Variants in ZDHHC20 observed in about 807,000 individuals in gnomAD.
ZDHHC20 encodes the protein zDHHC palmitoyltransferase 20, also known as palmitoyltransferase ZDHHC20.
A neutral mutation model predicts 57.8 loss-of-function variants in ZDHHC20; 43 were observed. The observed-to-expected ratio is 0.74, with a 90% confidence interval of 0.58 to 0.96. ZDHHC20 has a LOEUF of 0.96. Ranked by LOEUF, ZDHHC20 falls within the 40% of genes least tolerant of loss-of-function variation. ZDHHC20 has a pLI of 0.00. For missense variants in ZDHHC20, 391 were observed against 441.1 expected (o/e 0.89, Z 1.02); for synonymous variants, 157 against 153.0 (o/e 1.03, Z -0.19).
intron 11 of ZDHHC20, among the ~76,000 whole-genome samples, chr13:21,379,214 G>A (rs1453780873): frequency 1.3e-5 from 2 of 152,100 alleles, no homozygotes; most frequent in African/African-American, 4.8e-5. Context: ...CGAACAGTAG[G>A]TCTTTAAGGG....
intron 9 of ZDHHC20, among the ~76,000 whole-genome samples, chr13:21,384,924 T>A (rs751255346): frequency 1.3e-5 from 2 of 151,430 alleles, no homozygotes; most frequent in Non-Finnish European, 1.5e-5. Context: ...CAAAAGTTAC[T>A]GGACATGAAA....
chr13:21,436,705 C>T (rs1406670491), intron 1 of ZDHHC20, among the ~76,000 whole-genome samples: 1 of 152,162 alleles, frequency 6.6e-6, no homozygotes, highest in Non-Finnish European at 1.5e-5. Context: ...GCAATCAAGC[C>T]AATTAATAAT....
chr13:21,431,118 G>T (rs1335203486), intron 1 of ZDHHC20, among the ~76,000 whole-genome samples: 2 of 152,066 alleles, frequency 1.3e-5, no homozygotes, highest in African/African-American at 4.8e-5. Context: ...TAATATTTTT[G>T]TATTAGTCCA....
At chr13:21,404,779 C>A (rs1309909558) in intron 4 of ZDHHC20, among the ~76,000 whole-genome samples, 2 of 150,512 alleles carry the variant, frequency 1.3e-5, no homozygotes, top group African/African-American at 2.4e-5. Context: ...GCAAGTCATG[C>A]AGAATAGAGT....
Position 21,374,837 on chromosome 13 carries a change from C to A in ZDHHC20, c.*1859G>T. ...ATTATTTAGCATACAGAAGGTACTC[C>A]AAAAAATTTACCGGGGCGGGGCGTG... On this transcript the variant is annotated 3_prime_UTR_variant, in exon 13 of 13. Transcript: ENST00000400590. 3.4e-6 allele frequency: 1 copy of A among 293,890 alleles called. No homozygotes were observed. The highest frequency in any genetic ancestry group is 6.6e-6 in the Non-Finnish European group (1 of 151,190). 18.2% of individuals were successfully genotyped at this position (293,890 alleles called of 1,614,324 possible).
intron 1 of ZDHHC20, among the ~76,000 whole-genome samples, chr13:21,455,480 AT>A (rs934123857): frequency 1.3e-5 from 2 of 152,208 alleles, no homozygotes; most frequent in African/African-American, 4.8e-5. Context: ...GGGAAAAAAA[AT>A]CATACGAGAA....
intron 8 of ZDHHC20, among the ~76,000 whole-genome samples, chr13:21,389,454 T>C (rs1389158389): frequency 6.6e-6 from 1 of 152,200 alleles, no homozygotes; most frequent in Non-Finnish European, 1.5e-5. Flanking sequence ...CTGCATATAG[T>C]AGAGATTAAA....
chr13:21,439,405 C>T (rs1882891546), intron 1 of ZDHHC20, among the ~76,000 whole-genome samples: 1 of 152,122 alleles, frequency 6.6e-6, no homozygotes, highest in African/African-American at 2.4e-5. Context: ...GAGGCTGAGG[C>T]AGGAGGATTG....
intron 1 of ZDHHC20, among the ~76,000 whole-genome samples, chr13:21,448,257 C>T (rs1304963291): frequency 5.7e-4 from 41 of 71,606 alleles, no homozygotes; most frequent in East Asian, 1.9e-3. Flanking sequence ...TCTGCCCGGC[C>T]GCCCCTACTG....
intron 1 of ZDHHC20, among the ~76,000 whole-genome samples, chr13:21,448,168 G>T (rs1883982988): frequency 8.0e-6 from 1 of 125,372 alleles, no homozygotes; most frequent in Non-Finnish European, 1.8e-5. Context: ...CTGCCCGGCA[G>T]CCACCCCGTC....
rs186969143 is a variant in ZDHHC20, at chr13:21,388,528, A to G, written c.728-894T>C. On this transcript the variant is annotated intron_variant, in intron 8 of 12. Coordinates refer to ENST00000400590, the MANE Select transcript of ZDHHC20 (RefSeq NM_001330059.2). ...ACAAGAAATGTTTGTATGAGGCTAT[A>G]AAGATGTGAAGATGAGAGTTTACTT... Among the ~76,000 whole-genome samples, 661 of 152,286 alleles carry G rather than the reference A, an allele frequency of 4.3e-3. 6 individuals carry two copies. The highest frequency in any genetic ancestry group is 0.015 in the African/African-American group (608 of 41,566).
intron 9 of ZDHHC20, among the ~76,000 whole-genome samples, chr13:21,385,872 T>C (rs142354548): frequency 1.5e-3 from 230 of 152,262 alleles, no homozygotes; most frequent in Middle Eastern, 3.4e-3. Flanking sequence ...GAAAGGATAG[T>C]AATTTACAAA....
Position 21,381,534 on chromosome 13 carries a change from T to G in ZDHHC20, c.960A>C (p.Gln320His), listed in dbSNP as rs141502095. 1.9e-6 allele frequency: 3 copies of G among 1,613,386 alleles called. No homozygotes were observed. Among genetic ancestry groups the G allele is most frequent in the Admixed American group, 1.7e-5 (1 of 59,968 alleles). ...CACTAAGTGGTTTGATAGGAAAAGG[T>G]TGATTTGAGCCACTACTGAAAAGAA... The part of the protein sequence containing the change: ...NEYARSSGSN[Q>H]PFPIKPLSES... Residue 320 changes from glutamine (Q) to histidine (H), a missense_variant, in exon 11 of 13, where the codon CAA (glutamine) becomes CAC (histidine). Gln to His is a conservative substitution (Grantham distance 24). Around this residue, in one of 3 missense-constraint regions of ZDHHC20, gnomAD observed 197 missense variants for 220.8 expected, o/e 0.89. Coordinates refer to ENST00000400590, the MANE Select transcript of ZDHHC20 (RefSeq NM_001330059.2).
intron 11 of ZDHHC20, among the ~76,000 whole-genome samples, chr13:21,380,137 A>G (rs1414865248): frequency 1.4e-5 from 2 of 141,208 alleles, no homozygotes; most frequent in East Asian, 2.2e-4. Flanking sequence ...CTTCCCCGAG[A>G]TGGAGTCTCA....
intron 1 of ZDHHC20, among the ~76,000 whole-genome samples, chr13:21,457,118 G>A (rs1321952169): frequency 6.6e-6 from 1 of 152,220 alleles, no homozygotes; most frequent in Non-Finnish European, 1.5e-5. Context: ...CTCAATTCAT[G>A]TTCATTTCTC....
chr13:21,402,864 T>C lies in ZDHHC20; in HGVS notation c.373A>G (p.Ile125Val), dbSNP rs924227742. The change falls in exon 5 of 13, where the codon ATC (isoleucine) becomes GTC (valine). Residue 125 changes from isoleucine (I) to valine (V), a missense_variant and splice_region_variant. Ile to Val is a conservative substitution (Grantham distance 29, BLOSUM62 3). Coordinates refer to ENST00000400590, the MANE Select transcript of ZDHHC20 (RefSeq NM_001330059.2). Reference sequence around the variant, plus strand: ...AGCTGACATTTTTCACAATATCTGATAGCTACATGAAAGAAGTAAAAGGAA... The same window carrying C: ...AGCTGACATTTTTCACAATATCTGACAGCTACATGAAAGAAGTAAAAGGAA... ...PIYTTSASKT[I>V]RYCEKCQLIK... 2.5e-6 allele frequency: 4 copies of C among 1,588,334 alleles called. No individual in the cohort carries two copies. The highest frequency in any genetic ancestry group is 1.3e-5 in the African/African-American group (1 of 74,524).
At chr13:21,378,100 T>C (rs546975249) in intron 12 of ZDHHC20, among the ~76,000 whole-genome samples, 2 of 152,280 alleles carry the variant, frequency 1.3e-5, no homozygotes, top group South Asian at 4.2e-4. Flanking sequence ...GGAGTGCAGC[T>C]TGTGCCATCT....
chr13:21,387,616 G>T lies in ZDHHC20; in HGVS notation c.746C>A (p.Thr249Lys). ...ATTTCCATCAGGTCCGTATGAAAAC[G>T]TGGGTGCGCGGAATGATTCTGTTAA... is the stretch of plus-strand genomic sequence containing the variant. Reference protein sequence around the residue: ...RTTIESFRAPTFSYGPDGNGF... With the variant: ...RTTIESFRAPKFSYGPDGNGF... Residue 249 changes from threonine (T) to lysine (K), a missense_variant, in exon 9 of 13, where the codon ACG becomes AAG. This residue lies in a region of ZDHHC20 where 197 missense variants were observed against 220.8 expected (regional missense o/e 0.89). Transcript: ENST00000400590. The T allele has an allele frequency of 6.8e-7, 1 of 1,477,136 alleles. No homozygotes were observed. The highest frequency in any genetic ancestry group is 1.8e-4 in the Middle Eastern group (1 of 5,694). 91.5% of individuals were successfully genotyped at this position (1,477,136 alleles called of 1,614,324 possible). A position where few individuals can be genotyped will look rare whatever the true frequency, so the allele number is the denominator to read the frequency against.
At chr13:21,449,197 C>T (rs1184278095) in intron 1 of ZDHHC20, among the ~76,000 whole-genome samples, 1 of 149,852 alleles carries the variant, frequency 6.7e-6, no homozygotes, top group African/African-American at 2.5e-5. Flanking sequence ...CTGTGAGAAA[C>T]ACCCAAGAAT....
Sources: gnomAD v4.1 joint callset for allele counts (sites outside exome capture counted in the v4.1 genomes callset) on GRCh38, gnomAD v4.1.1 for gene constraint, gnomAD v4.1.1 regional missense constraint, MANE v1.5 for transcripts, NCBI Gene and HGNC (gene_info 2026-07-23, HGNC 2026-07-21) for gene names.